The following RIMOC1 variants were observed in gnomAD, a reference collection of about 807,000 sequenced individuals.
RIMOC1 encodes the protein RAB7A-interacting MON1-CCZ1 complex subunit 1.
At chr5:41,909,723 T>C in the RIMOC1 span, 17 of 1,476,920 alleles carry the variant, frequency 1.2e-5, no homozygotes, top group African/African-American at 1.6e-4. Flanking sequence ...TTGATAGATA[T>C]CTTTCTTTTT....
the RIMOC1 span, chr5:41,917,210 T>G: frequency 6.2e-7 from 1 of 1,613,782 alleles, no homozygotes; most frequent in South Asian, 1.1e-5. Flanking sequence ...AAAGTATGTA[T>G]CTGTGTGTGA....
chr5:41,907,364 C>G, the RIMOC1 span, among the ~76,000 whole-genome samples: 4 of 151,940 alleles, frequency 2.6e-5, no homozygotes, highest in African/African-American at 9.7e-5. Context: ...AGTGGAAGCC[C>G]TTTCTGTATA....
At chr5:41,915,780 G>C in the RIMOC1 span, among the ~76,000 whole-genome samples, 1 of 152,140 alleles carries the variant, frequency 6.6e-6, no homozygotes. Context: ...AATTATGAGG[G>C]TACAATTCAA....
the RIMOC1 span, chr5:41,920,966 T>C: frequency 6.6e-6 from 1 of 152,536 alleles, no homozygotes; most frequent in Admixed American, 6.5e-5. Flanking sequence ...AGTCGTTAAA[T>C]GTGTATGGCT....
At chr5:41,911,256 A>G in the RIMOC1 span, 1 of 1,331,444 alleles carries the variant, frequency 7.5e-7, no homozygotes. Context: ...TGTACTACTA[A>G]GAGTAGTGGA....
At chr5:41,909,084 A>T in the RIMOC1 span, among the ~76,000 whole-genome samples, 6 of 152,180 alleles carry the variant, frequency 3.9e-5, no homozygotes, top group African/African-American at 1.4e-4. Context: ...AGGCTCAAAA[A>T]AGGTAAAATT....
the RIMOC1 span, chr5:41,909,722 ATCTT>A: frequency 4.9e-5 from 70 of 1,419,638 alleles, no homozygotes; most frequent in African/African-American, 3.2e-4. Flanking sequence ...ATTGATAGAT[ATCTT>A]TCTTTTTTTT....
chr5:41,917,358 G>A, the RIMOC1 span: 1 of 1,500,012 alleles, frequency 6.7e-7, no homozygotes, highest in Admixed American at 2.4e-5. Flanking sequence ...ATGGAAAAGA[G>A]AGTTCCAAAA....
At chr5:41,914,603 T>TA in the RIMOC1 span, among the ~76,000 whole-genome samples, 2,209 of 125,072 alleles carry the variant, frequency 0.018, 25 homozygotes, top group African/African-American at 0.037. Flanking sequence ...CTGCAAAAAC[T>TA]AAAAAAAAAA....
At chr5:41,916,936 TTTAA>T in the RIMOC1 span, 1 of 1,296,150 alleles carries the variant, frequency 7.7e-7, no homozygotes, top group Non-Finnish European at 1.0e-6. Flanking sequence ...CAAAAGGAAC[TTTAA>T]TTAGAGTTTA....
the RIMOC1 span, chr5:41,904,598 C>T: frequency 1.3e-6 from 1 of 776,586 alleles, no homozygotes; most frequent in Non-Finnish European, 2.1e-6. Context: ...TACCCGAGGT[C>T]TGTCGCTTCT....
At chr5:41,907,152 C>T in the RIMOC1 span, among the ~76,000 whole-genome samples, 3 of 152,024 alleles carry the variant, frequency 2.0e-5, no homozygotes, top group African/African-American at 7.2e-5. Flanking sequence ...CCTTTTCTTC[C>T]AGGTTTTGAG....
At chr5:41,904,612 C>G in the RIMOC1 span, 5 of 688,794 alleles carry the variant, frequency 7.3e-6, no homozygotes, top group Admixed American at 2.8e-5. Context: ...CGCTTCTGAG[C>G]CCCTCTGCGC....
chr5:41,905,568 C>T, the RIMOC1 span, among the ~76,000 whole-genome samples: 2 of 152,186 alleles, frequency 1.3e-5, no homozygotes, highest in African/African-American at 4.8e-5. Flanking sequence ...CTGTGCCAGG[C>T]CAGGAGTGTG....
chr5:41,915,338 C>G, the RIMOC1 span, among the ~76,000 whole-genome samples: 31 of 152,150 alleles, frequency 2.0e-4, no homozygotes, highest in Non-Finnish European at 4.1e-4. Flanking sequence ...CAAATCAGAG[C>G]TGGTATCACA....
the RIMOC1 span, chr5:41,918,686 G>C: frequency 2.0e-6 from 2 of 985,320 alleles, no homozygotes; most frequent in Non-Finnish European, 2.4e-6. Flanking sequence ...TTGTTACTAG[G>C]GTGGCCTCTC....
chr5:41,918,110 C>G, the RIMOC1 span: 79 of 985,704 alleles, frequency 8.0e-5, no homozygotes, highest in Non-Finnish European at 9.4e-5. Flanking sequence ...AACTTGATAT[C>G]TTGCTCATGG....
the RIMOC1 span, chr5:41,918,532 C>A: frequency 1.0e-6 from 1 of 985,410 alleles, no homozygotes; most frequent in Non-Finnish European, 1.2e-6. Flanking sequence ...AGTCCTTTGG[C>A]AAGCCCTCAA....
chr5:41,904,774 A>G, the RIMOC1 span, among the ~76,000 whole-genome samples: 1 of 152,234 alleles, frequency 6.6e-6, no homozygotes, highest in African/African-American at 2.4e-5. Context: ...AATAAAATAC[A>G]GAAGTTTAAA....
Sources: allele counts gnomAD v4.1 joint callset (sites outside exome capture counted in the v4.1 genomes callset), GRCh38; gene constraint gnomAD v4.1.1; transcripts MANE v1.5; gene names NCBI Gene and HGNC (gene_info 2026-07-23, HGNC 2026-07-21).